RIN2: variants seen among roughly 807,000 people sequenced by gnomAD.
The protein encoded by RIN2 is RAB5 interacting protein 2.
A neutral mutation model predicts 78.0 loss-of-function variants in RIN2; 36 were observed. The ratio of observed to expected loss-of-function variants is 0.46; its 90% CI spans 0.35 to 0.61. RIN2 has a LOEUF of 0.61. Ranked by LOEUF, RIN2 falls within the 20% of genes least tolerant of loss-of-function variation. The pLI, the probability that RIN2 is intolerant of heterozygous loss-of-function variation, is 0.00. For synonymous variants in RIN2, 466 were observed against 466.8 expected, an observed-to-expected ratio of 1.00 and a Z score of 0.02; for missense variants, 1,087 against 1,159.7, an observed-to-expected ratio of 0.94 and a Z score of 0.91.
rs112890141 is a variant in RIN2 at position 19,821,693 on chromosome 20, G to T, written c.-37+21946G>T. 7.7e-3 allele frequency among the ~76,000 whole-genome samples: 1,176 copies of T among 151,940 alleles called. 14 individuals carry two copies. The highest frequency in any genetic ancestry group is 0.026 in the African/African-American group (1,096 of 41,402). On this transcript the variant is annotated intron_variant, in intron 2 of 12. Coordinates refer to ENST00000255006, the MANE Select transcript of RIN2 (RefSeq NM_018993.4). ...CTCTCTCTCTGCCTGGAATCCCTTCGTCTGCCTACTCATCCTTTCAGGCTC... is the reference window on the plus strand; with the variant it reads ...CTCTCTCTCTGCCTGGAATCCCTTCTTCTGCCTACTCATCCTTTCAGGCTC...
rs532707768 is a variant in RIN2, at chr20:19,809,953, G to A, written c.-37+10206G>A. Among the ~76,000 whole-genome samples, 40 of 151,644 alleles carry A rather than the reference G, an allele frequency of 2.6e-4. No individual in the cohort carries two copies. The South Asian group carries it at 7.2e-3, about 27-fold the overall frequency. ...AACAGCCCAGGAAAGCTAGATGGCC[G>A]CTGCGACCACTGAGATAGAACTCCA... On this transcript the variant is annotated intron_variant, in intron 2 of 12. Coordinates refer to ENST00000255006, the MANE Select transcript of RIN2 (RefSeq NM_018993.4).
At chr20:19,848,886 G>A (rs955416561) in intron 2 of RIN2, among the ~76,000 whole-genome samples, 2 of 152,122 alleles carry the variant, frequency 1.3e-5, no homozygotes, top group Admixed American at 1.3e-4. Flanking sequence ...TTCCACTTGG[G>A]AGGAAATTCA....
intron 1 of RIN2, among the ~76,000 whole-genome samples, chr20:19,760,797 C>A (rs2122278327): frequency 6.6e-6 from 1 of 152,296 alleles, no homozygotes; most frequent in East Asian, 1.9e-4. Context: ...CTTCAAGAAT[C>A]CTAATAGTTT....
chr20:19,832,302 T>C (rs925931272), intron 2 of RIN2, among the ~76,000 whole-genome samples: 1 of 145,278 alleles, frequency 6.9e-6, no homozygotes, highest in Admixed American at 7.0e-5. Flanking sequence ...CATGGTGATC[T>C]AGGATGCTGT....
chr20:19,968,994 A>AG (rs2042022344), intron 7 of RIN2, among the ~76,000 whole-genome samples: 1 of 152,162 alleles, frequency 6.6e-6, no homozygotes, highest in African/African-American at 2.4e-5. Flanking sequence ...GACAAGTGAA[A>AG]GGTCTCATGG....
Position 19,992,277 on chromosome 20 carries a change from C to T in RIN2, c.2178C>T (p.Asp726=), listed in dbSNP as rs1458836864. 2.5e-6 allele frequency: 4 copies of T among 1,575,994 alleles called. No individual in the cohort carries two copies. The highest frequency in any genetic ancestry group is 3.4e-6 in the Non-Finnish European group (4 of 1,159,474). The part of the protein sequence containing the change: ...TEIEYMMELL[D]PSLLHGEGGY... Reference sequence around the variant, plus strand: ...TCGAGTACATGATGGAGCTCCTAGACCCATCGCTGTTACATGGAGAAGGTA... The same window carrying T: ...TCGAGTACATGATGGAGCTCCTAGATCCATCGCTGTTACATGGAGAAGGTA... Residue 726 remains aspartate (D), a synonymous_variant, in exon 11 of 13, where the codon GAC becomes GAT. Coordinates refer to ENST00000255006, the MANE Select transcript of RIN2 (RefSeq NM_018993.4).
At chr20:19,801,848 C>A (rs1265566466) in intron 2 of RIN2, among the ~76,000 whole-genome samples, 2 of 152,164 alleles carry the variant, frequency 1.3e-5, no homozygotes, top group East Asian at 3.9e-4. Context: ...GGTATAAATA[C>A]TGAAGTCTTA....
chr20:19,967,099 C>T (rs1360579222), intron 7 of RIN2, among the ~76,000 whole-genome samples: 1 of 152,170 alleles, frequency 6.6e-6, no homozygotes, highest in Admixed American at 6.5e-5. Context: ...AATCATTACA[C>T]CTACAAAGCA....
chr20:19,852,421 T>A (rs909461820), intron 2 of RIN2, among the ~76,000 whole-genome samples: 6 of 152,186 alleles, frequency 3.9e-5, no homozygotes, highest in African/African-American at 1.2e-4. Context: ...AAAGCTCCTG[T>A]CATCCGCTCA....
At position 19,935,713 on chromosome 20, in the gene RIN2, G is replaced by A. The variant is rs1292292803; in HGVS notation, c.158+514G>A. Reference sequence around the variant, plus strand: ...AAATTCGATACAAAGGGAAGGCGGCGTGCTGTGCTGTTGAAGGCGATACCT... The same window carrying A: ...AAATTCGATACAAAGGGAAGGCGGCATGCTGTGCTGTTGAAGGCGATACCT... On this transcript the variant is annotated intron_variant, in intron 4 of 12. Coordinates refer to ENST00000255006, the MANE Select transcript of RIN2 (RefSeq NM_018993.4). The A allele has an allele frequency of 2.1e-5, 14 of 657,510 alleles. 1 individual carries two copies. Among genetic ancestry groups the A allele is most frequent in the South Asian group, 1.4e-4 (2 of 14,746 alleles). 40.7% of individuals were successfully genotyped at this position (657,510 alleles called of 1,614,324 possible).
At chr20:19,832,471 C>T (rs1028925245) in intron 2 of RIN2, among the ~76,000 whole-genome samples, 25 of 151,226 alleles carry the variant, frequency 1.7e-4, no homozygotes, top group African/African-American at 5.1e-4. Context: ...CCCTCAAGCA[C>T]GCCTTTCAAA....
intron 3 of RIN2, among the ~76,000 whole-genome samples, chr20:19,926,964 C>T (rs569808544): frequency 6.6e-6 from 1 of 152,346 alleles, no homozygotes; most frequent in African/African-American, 2.4e-5. Flanking sequence ...CTTTTCCCTC[C>T]TCCCTGCAGC....
chr20:19,885,362 G>A (rs1402403042), intron 2 of RIN2, among the ~76,000 whole-genome samples: 2 of 152,176 alleles, frequency 1.3e-5, no homozygotes, highest in Admixed American at 1.3e-4. Flanking sequence ...TAATACCAAT[G>A]TATTGCGTAT....
intron 3 of RIN2, among the ~76,000 whole-genome samples, chr20:19,920,033 G>A (rs1230788479): frequency 1.3e-5 from 2 of 152,072 alleles, no homozygotes; most frequent in South Asian, 2.1e-4. Flanking sequence ...AGTGGCTCAC[G>A]CCTGTAATCC....
chr20:19,975,197 G>A lies in RIN2; in HGVS notation c.1172G>A (p.Gly391Asp). The A allele has an allele frequency of 6.2e-7, 1 of 1,601,972 alleles. No homozygotes were observed. The highest frequency in any genetic ancestry group is 2.3e-5 in the East Asian group (1 of 44,360). ...RPGAGPELEL[G>D]TAGSPGGAPP... The stretch of plus-strand genomic sequence containing the variant: ...GGCGCAGGCCCGGAGCTGGAGCTGG[G>A]CACAGCTGGCAGCCCAGGTGGGGCC... The change falls in exon 9 of 13, where the codon GGC (glycine) becomes GAC (aspartate). Residue 391 changes from glycine (G) to aspartate (D), a missense_variant. Gly to Asp is a moderately conservative substitution (Grantham distance 94). This residue lies in a region of RIN2 where 706 missense variants were observed against 667.5 expected (regional missense o/e 1.06). Coordinates refer to ENST00000255006, the MANE Select transcript of RIN2 (RefSeq NM_018993.4). The surrounding 1 kb of genome is among the most constrained non-coding windows in gnomAD (Gnocchi z 4.9).
At chr20:19,846,989 A>G (rs2036806252) in intron 2 of RIN2, among the ~76,000 whole-genome samples, 1 of 152,330 alleles carries the variant, frequency 6.6e-6, no homozygotes. Context: ...ACAGAAATCC[A>G]GATTTGTAAG....
intron 1 of RIN2, among the ~76,000 whole-genome samples, chr20:19,788,056 A>T (rs2034741053): frequency 2.0e-5 from 3 of 152,222 alleles, no homozygotes; most frequent in Admixed American, 2.0e-4. Context: ...ACTTAGTGCG[A>T]TCTCAGCAAA....
At chr20:19,939,283 A>T (rs1252609641) in intron 4 of RIN2, among the ~76,000 whole-genome samples, 1 of 152,110 alleles carries the variant, frequency 6.6e-6, no homozygotes, top group South Asian at 2.1e-4. Flanking sequence ...CCTGGCCTCA[A>T]GTGGTCCACC....
chr20:19,895,306 G>A (rs1205558652), intron 3 of RIN2, among the ~76,000 whole-genome samples: 4 of 152,208 alleles, frequency 2.6e-5, no homozygotes, highest in South Asian at 2.1e-4. Flanking sequence ...ATGATCCTGA[G>A]AGGGATCCTC....
Sources: gnomAD v4.1 joint callset for allele counts (sites outside exome capture counted in the v4.1 genomes callset) on GRCh38, gnomAD v4.1.1 for gene constraint, gnomAD v4.1.1 regional missense constraint, Gnocchi (gnomAD v3.1) non-coding constraint, MANE v1.5 for transcripts, NCBI Gene and HGNC (gene_info 2026-07-23, HGNC 2026-07-21) for gene names.